Variants in MALRD1 observed in about 807,000 individuals in gnomAD.
MALRD1 encodes MAM and LDL-receptor class A domain-containing protein 1.
MALRD1 carries 247 observed loss-of-function variants against 242.1 expected under a neutral mutation model. The ratio of observed to expected loss-of-function variants is 1.02; its 90% CI spans 0.92 to 1.13. The LOEUF (loss-of-function observed/expected upper bound fraction) is 1.13. MALRD1 is among the 50% of genes most tolerant of loss of function. MALRD1 has a pLI of 0.00. For missense variants in MALRD1, 2,989 were observed against 2,533.1 expected (o/e 1.18, Z -3.86); for synonymous variants, 995 against 866.6 (o/e 1.15, Z -2.60).
chr10:19,163,489 G>C (rs140847332), intron 12 of MALRD1, among the ~76,000 whole-genome samples: 3 of 150,976 alleles, frequency 2.0e-5, no homozygotes, highest in Non-Finnish European at 2.9e-5. Flanking sequence ...CAACAGACAC[G>C]GGGGTCTACT....
At chr10:19,102,129 A>T (rs887576640) in intron 4 of MALRD1, among the ~76,000 whole-genome samples, 2 of 146,740 alleles carry the variant, frequency 1.4e-5, no homozygotes, top group Non-Finnish European at 3.0e-5. Context: ...AAATTATATA[A>T]TATATATTAT....
rs181376478 is a variant in MALRD1 at position 19,589,510 on chromosome 10, A to G, written c.5681-5684A>G. ...CTTGAAACTTGGGATCCTTCTTTTG[A>G]GAAACACTCCCTAAAGCACATAAAC... On this transcript the variant is annotated intron_variant, in intron 33 of 39. Transcript: ENST00000454679. Among the ~76,000 whole-genome samples the G allele has an allele frequency of 2.0e-4, 30 of 152,220 alleles. No homozygotes were observed. In the East Asian group the frequency reaches 4.7e-3, roughly 24 times the overall value.
chr10:19,133,735 C>A, intron 8 of MALRD1, 121 bp from the exon 9 acceptor site: 1 of 413,060 alleles, frequency 2.4e-6, no homozygotes, highest in East Asian at 3.6e-5. Context: ...CTTTAGATTT[C>A]CTAGTACTTT....
intron 36 of MALRD1, among the ~76,000 whole-genome samples, chr10:19,631,807 A>G (rs974090940): frequency 6.6e-6 from 1 of 152,094 alleles, no homozygotes; most frequent in Non-Finnish European, 1.5e-5. Context: ...AAGTGTGTTC[A>G]TGTCATTTGC....
intron 36 of MALRD1, among the ~76,000 whole-genome samples, chr10:19,672,282 A>T (rs921486733): frequency 6.6e-6 from 1 of 151,974 alleles, no homozygotes; most frequent in East Asian, 1.9e-4. Flanking sequence ...CTCTATATAT[A>T]TAATATTATA....
intron 31 of MALRD1, among the ~76,000 whole-genome samples, chr10:19,530,583 C>CT (rs1218455708): frequency 2.0e-5 from 3 of 148,584 alleles, no homozygotes; most frequent in Non-Finnish European, 4.5e-5. Context: ...TCATATTTAC[C>CT]TACCCACAAA....
At chr10:19,204,279 GC>G in intron 15 of MALRD1, 28 bp from the exon 16 acceptor site, 3 of 1,130,830 alleles carry the variant, frequency 2.7e-6, no homozygotes, top group Non-Finnish European at 3.7e-6. Context: ...GGTTAATGAA[GC>G]GTTTTTTTTT....
intron 32 of MALRD1, among the ~76,000 whole-genome samples, chr10:19,535,295 G>A (rs887051125): frequency 6.6e-6 from 1 of 152,010 alleles, no homozygotes; most frequent in Non-Finnish European, 1.5e-5. Flanking sequence ...AAACACTGTA[G>A]AACAATTAAT....
chr10:19,238,428 T>C (rs1177746436), intron 18 of MALRD1, among the ~76,000 whole-genome samples: 1 of 68,680 alleles, frequency 1.5e-5, no homozygotes, highest in Non-Finnish European at 2.6e-5. Flanking sequence ...ATATACATTA[T>C]ATATAATATA....
chr10:19,339,820 A>G (rs1843764125), intron 24 of MALRD1, among the ~76,000 whole-genome samples: 1 of 152,196 alleles, frequency 6.6e-6, no homozygotes. Context: ...CTATAAAGAC[A>G]TATTTGAGAC....
chr10:19,451,347 T>G (rs564676597), intron 29 of MALRD1, among the ~76,000 whole-genome samples: 13 of 152,190 alleles, frequency 8.5e-5, no homozygotes, highest in Non-Finnish European at 1.5e-4. Flanking sequence ...CTGTGAACAG[T>G]AACTTGAAAA....
At chr10:19,614,142 T>C (rs1444245486) in intron 35 of MALRD1, among the ~76,000 whole-genome samples, 1 of 152,068 alleles carries the variant, frequency 6.6e-6, no homozygotes, top group African/African-American at 2.4e-5. Context: ...CTTCTAACAG[T>C]CTCACAACCC....
chr10:19,404,933 A>G (rs980861007), intron 28 of MALRD1, among the ~76,000 whole-genome samples: 1 of 152,176 alleles, frequency 6.6e-6, no homozygotes, highest in South Asian at 2.1e-4. Context: ...CAAATGTACT[A>G]GTTGCTTTTC....
chr10:19,388,241 C>G (rs1016744790), intron 27 of MALRD1, among the ~76,000 whole-genome samples: 4 of 152,142 alleles, frequency 2.6e-5, no homozygotes, highest in African/African-American at 9.7e-5. Context: ...CTCATTTTAA[C>G]CTGATCATCA....
chr10:19,442,031 C>T lies in MALRD1; in HGVS notation c.4846-8276C>T, dbSNP rs532836836. On this transcript the variant is annotated intron_variant, in intron 28 of 39. Coordinates refer to ENST00000454679, the MANE Select transcript of MALRD1 (RefSeq NM_001142308.3). ...CATTGAGCATTGGTTTGTAGTTCTC[C>T]GTGAAGAAGTCCTTCACAAACCTTG... Among the ~76,000 whole-genome samples, 15 of 152,176 alleles carry T rather than the reference C, an allele frequency of 9.9e-5. 1 individual carries two copies. The South Asian group carries it at 1.7e-3, about 17-fold the overall frequency.
chr10:19,664,900 A>G (rs1162941968), intron 36 of MALRD1, among the ~76,000 whole-genome samples: 3 of 152,146 alleles, frequency 2.0e-5, no homozygotes, highest in Non-Finnish European at 4.4e-5. Context: ...ATCGTCAAAT[A>G]ATATTAATCA....
intron 10 of MALRD1, among the ~76,000 whole-genome samples, chr10:19,137,695 G>A (rs1048492607): frequency 6.6e-6 from 1 of 151,770 alleles, no homozygotes; most frequent in Non-Finnish European, 1.5e-5. Context: ...TTTCTTTCAG[G>A]CCTTTTCTGA....
intron 28 of MALRD1, among the ~76,000 whole-genome samples, chr10:19,419,483 A>G (rs1407887662): frequency 6.6e-6 from 1 of 151,956 alleles, no homozygotes; most frequent in East Asian, 1.9e-4. Flanking sequence ...TGTTGTTGTT[A>G]TTAGAGATGG....
At chr10:19,254,432 G>C (rs755122061) in intron 18 of MALRD1, among the ~76,000 whole-genome samples, 7 of 151,926 alleles carry the variant, frequency 4.6e-5, no homozygotes, top group Non-Finnish European at 8.8e-5. Flanking sequence ...ATGGATTCTT[G>C]TTTAGACACA....
Sources: gnomAD v4.1 joint callset for allele counts (sites outside exome capture counted in the v4.1 genomes callset) on GRCh38, gnomAD v4.1.1 for gene constraint, MANE v1.5 for transcripts, NCBI Gene and HGNC (gene_info 2026-07-23, HGNC 2026-07-21) for gene names.